The following ZFYVE28 variants were observed in gnomAD, a reference collection of about 807,000 sequenced individuals.
ZFYVE28 encodes lateral signaling target protein 2 homolog.
ZFYVE28 carries 40 observed loss-of-function variants against 82.1 expected under a neutral mutation model. The ratio of observed to expected loss-of-function variants is 0.49; its 90% CI spans 0.38 to 0.63. The LOEUF is 0.63. Ranked by LOEUF, ZFYVE28 falls within the 30% of genes least tolerant of loss-of-function variation. The pLI is 0.00. For synonymous variants in ZFYVE28, 612 were observed against 546.1 expected (o/e 1.12, Z -1.68); for missense variants, 1,321 against 1,242.1 (o/e 1.06, Z -0.96).
intron 8 of ZFYVE28, among the ~76,000 whole-genome samples, chr4:2,281,557 A>G (rs1213569154): frequency 6.6e-6 from 1 of 152,140 alleles, no homozygotes. Context: ...TAAGGACCCC[A>G]CTGCAGCAAT....
chr4:2,381,382 G>A (rs1728716521), intron 1 of ZFYVE28, among the ~76,000 whole-genome samples: 1 of 152,270 alleles, frequency 6.6e-6, no homozygotes, highest in East Asian at 1.9e-4. Flanking sequence ...TAAAAATTCG[G>A]AAAATTTGCA....
chr4:2,300,526 C>T lies in ZFYVE28; in HGVS notation c.2051+3763G>A, dbSNP rs964678575. On this transcript the variant is annotated intron_variant, in intron 8 of 12. Transcript: ENST00000290974. The surrounding 1 kb of genome is among the most constrained non-coding windows in gnomAD (Gnocchi z 4.6). Reference sequence around the variant, plus strand: ...TCCCAGGTGACAGCACCTGAGGAAACGCTCCAGAGAGGGGCTCCTCCTGGC... The same window carrying T: ...TCCCAGGTGACAGCACCTGAGGAAATGCTCCAGAGAGGGGCTCCTCCTGGC... Among the ~76,000 whole-genome samples, 13 of 152,146 alleles carry T rather than the reference C, an allele frequency of 8.5e-5. No individual in the cohort carries two copies. The highest frequency in any genetic ancestry group is 6.2e-4 in the South Asian group (3 of 4,826).
intron 8 of ZFYVE28, among the ~76,000 whole-genome samples, chr4:2,278,477 G>A (rs1736681005): frequency 6.6e-6 from 1 of 151,838 alleles, no homozygotes; most frequent in South Asian, 2.1e-4. Context: ...CGTGAGCCAC[G>A]GCGCCCAGGC....
In ZFYVE28 at chr4:2,394,603, A is replaced by G. The variant is rs758844633; in HGVS notation, c.39+23682T>C. 2.1e-4 allele frequency among the ~76,000 whole-genome samples: 32 copies of G among 152,056 alleles called. No individual in the cohort carries two copies. Among genetic ancestry groups the G allele is most frequent in the African/African-American group, 7.5e-4 (31 of 41,378 alleles). On this transcript the variant is annotated intron_variant, in intron 1 of 12. Coordinates refer to ENST00000290974, the MANE Select transcript of ZFYVE28 (RefSeq NM_020972.3). This position sits in a 1 kb window ranked among gnomAD's most constrained non-coding sequence, Gnocchi z 4.0. ...GTGCACATAAGGTCCTAAAACATCAACGCCTCCTTTCTAACAAGGCACATG... is the reference window on the plus strand; with the variant it reads ...GTGCACATAAGGTCCTAAAACATCAGCGCCTCCTTTCTAACAAGGCACATG...
At chr4:2,336,882 T>G (rs1343966939) in intron 5 of ZFYVE28, among the ~76,000 whole-genome samples, 18 of 44,112 alleles carry the variant, frequency 4.1e-4, no homozygotes, top group African/African-American at 1.2e-3. Context: ...AGGTGAAGAG[T>G]GAGGAGGTGA....
chr4:2,330,954 G>T lies in ZFYVE28; in HGVS notation c.701+4751C>A, dbSNP rs1295267439. The T allele has an allele frequency of 3.9e-6, 6 of 1,535,282 alleles. No individual in the cohort carries two copies. The Admixed American group carries it at 1.2e-4, about 30-fold the overall frequency. On this transcript the variant is annotated intron_variant, in intron 6 of 12. Coordinates refer to ENST00000290974, the MANE Select transcript of ZFYVE28 (RefSeq NM_020972.3). ...ACACCTTGTTTTGACACAGGTGGAT[G>T]GGTGAGGGCCCCTGAAGAGGATCCG...
Position 2,304,993 on chromosome 4 carries a change from C to T in ZFYVE28, c.1347G>A (p.Leu449=). 1.2e-6 allele frequency: 2 copies of T among 1,612,730 alleles called. No individual in the cohort carries two copies. Among genetic ancestry groups the T allele is most frequent in the Non-Finnish European group, 1.7e-6 (2 of 1,179,886 alleles). Residue 449 remains leucine, a synonymous_variant, in exon 8 of 13, where the codon TTG becomes TTA. Coordinates refer to ENST00000290974, the MANE Select transcript of ZFYVE28 (RefSeq NM_020972.3). ...AGTCCTCCTCCTTTTCCGAGGCGGG[C>T]AAGCTGATCCCCGCCGCTCCGCCTG... ...GGPGGAAGIS[L]PASEKEEDLS... is the part of the protein sequence containing the mutation.
Position 2,269,738 on chromosome 4 carries a change from A to G in ZFYVE28, c.*987T>C, listed in dbSNP as rs1309179892. On this transcript the variant is annotated 3_prime_UTR_variant, in exon 13 of 13. Transcript: ENST00000290974. The stretch of plus-strand genomic sequence containing the variant: ...TTCTATGCATATGTACTCCACCAGT[A>G]AACAGTAATTAGATTTATCCTAGAA... The G allele has an allele frequency of 6.6e-6, 1 of 152,230 alleles. No individual in the cohort carries two copies. The highest frequency in any genetic ancestry group is 1.5e-5 in the Non-Finnish European group (1 of 68,050). The allele number at this position is 152,230 out of a possible 1,614,324, so 9.4% of individuals were successfully genotyped here.
rs548617506 is a variant in ZFYVE28, at chr4:2,371,856, AC to A, written c.40-17784del. 1.3e-3 allele frequency among the ~76,000 whole-genome samples: 181 copies of A among 141,786 alleles called. 2 individuals carry two copies. Among genetic ancestry groups the A allele is most frequent in the African/African-American group, 4.4e-3 (174 of 39,530 alleles). 93.0% of individuals were successfully genotyped at this position (141,786 alleles called of 152,430 possible). On this transcript the variant is annotated intron_variant, in intron 1 of 12. Transcript: ENST00000290974. ...GCAAACAGCTGGCAGCCCGCCCCCC[AC>A]CCAGCGTGAGAAGCCGGCCTCGGCG...
intron 1 of ZFYVE28, among the ~76,000 whole-genome samples, chr4:2,382,774 A>AT (rs1273380893): frequency 6.6e-6 from 1 of 152,178 alleles, no homozygotes; most frequent in Non-Finnish European, 1.5e-5. Flanking sequence ...TAGGCTGCTG[A>AT]TAAAGACACG....
intron 1 of ZFYVE28, among the ~76,000 whole-genome samples, chr4:2,401,701 C>T (rs1470506870): frequency 2.6e-5 from 4 of 152,180 alleles, no homozygotes; most frequent in African/African-American, 4.8e-5. Flanking sequence ...GCGGTCCCCT[C>T]GCCGCCCCGC....
chr4:2,396,202 A>G (rs1469432277), intron 1 of ZFYVE28, among the ~76,000 whole-genome samples: 1 of 29,724 alleles, frequency 3.4e-5, no homozygotes, highest in African/African-American at 1.0e-4. Flanking sequence ...TGATGGGACC[A>G]GCCATCCTGC....
At chr4:2,302,033 G>C (rs1715631873) in intron 8 of ZFYVE28, among the ~76,000 whole-genome samples, 1 of 152,242 alleles carries the variant, frequency 6.6e-6, no homozygotes, top group African/African-American at 2.4e-5. Flanking sequence ...GCAGTGAAGG[G>C]AAGCAGGACA....
At chr4:2,404,812 A>G (rs914868573) in intron 1 of ZFYVE28, among the ~76,000 whole-genome samples, 2 of 151,190 alleles carry the variant, frequency 1.3e-5, no homozygotes, top group African/African-American at 4.9e-5. Flanking sequence ...TTTGCTTTCA[A>G]TGGTTACCTA....
At position 2,271,389 on chromosome 4, in the gene ZFYVE28, C is replaced by T. The variant is rs893277620; in HGVS notation, c.2454G>A (p.Glu818=). The change falls in exon 12 of 13, where the codon GAG becomes GAA. Residue 818 remains glutamate (E), a synonymous_variant. Transcript: ENST00000290974. The stretch of plus-strand genomic sequence containing the variant: ...TGCACGCCGTGCAGAAGCCACAGGC[C>T]TCGTCTGGCACCCACTCCGGGGGGT... ...FEDPPEWVPD[E]ACGFCTACKA... 1 of 1,612,906 alleles carries T rather than the reference C, an allele frequency of 6.2e-7. No homozygotes were observed. The highest frequency in any genetic ancestry group is 1.1e-5 in the South Asian group (1 of 91,054).
chr4:2,285,753 TGGGCCGGTC>T (rs1271227512), intron 8 of ZFYVE28: 1 of 152,424 alleles, frequency 6.6e-6, no homozygotes, highest in African/African-American at 2.4e-5. Context: ...GAAGGAGGGC[TGGGCCGGTC>T]CAGGAGGGCA....
intron 11 of ZFYVE28, 68 bp downstream of exon 11, chr4:2,271,607 G>T: frequency 2.0e-6 from 3 of 1,526,904 alleles, no homozygotes; most frequent in Admixed American, 1.7e-5. Flanking sequence ...CAGGAGGAAG[G>T]CTCCTGTGGC....
At chr4:2,308,802 G>C (rs982087637) in intron 7 of ZFYVE28, among the ~76,000 whole-genome samples, 1 of 152,228 alleles carries the variant, frequency 6.6e-6, no homozygotes, top group Admixed American at 6.5e-5. Flanking sequence ...CTAGCTTCTG[G>C]GATTTTGATT....
chr4:2,346,144 C>G (rs958608379), intron 2 of ZFYVE28, among the ~76,000 whole-genome samples: 2 of 142,148 alleles, frequency 1.4e-5, no homozygotes, highest in African/African-American at 5.3e-5. Flanking sequence ...CTGGCTAATA[C>G]GGTGAAACCC....
Sources: gnomAD v4.1 joint callset for allele counts (sites outside exome capture counted in the v4.1 genomes callset) on GRCh38, gnomAD v4.1.1 for gene constraint, Gnocchi (gnomAD v3.1) non-coding constraint, MANE v1.5 for transcripts, NCBI Gene and HGNC (gene_info 2026-07-23, HGNC 2026-07-21) for gene names.